Variants in DCC observed in about 807,000 individuals in gnomAD.
DCC encodes DCC netrin 1 receptor.
Under a neutral mutation model 172.5 loss-of-function variants are expected in DCC, and 58 were observed. That is an observed-to-expected ratio of 0.34 (90% CI 0.27 to 0.42). The LOEUF (loss-of-function observed/expected upper bound fraction) is 0.42, where lower values mean the gene tolerates loss of function less well. Among genes scored for constraint, DCC ranks in the 10% least tolerant of loss-of-function variants. The pLI is 1.00. For synonymous variants in DCC, 709 were observed against 644.5 expected (o/e 1.10, Z -1.52); for missense variants, 1,740 against 1,791.0 (o/e 0.97, Z 0.51).
intron 25 of DCC, among the ~76,000 whole-genome samples, chr18:53,472,739 T>G (rs1349512950): frequency 6.6e-6 from 1 of 152,148 alleles, no homozygotes; most frequent in Non-Finnish European, 1.5e-5. Context: ...TCTAGCATCT[T>G]CCAGACTCTT....
At chr18:53,464,784 G>A (rs1203870246) in intron 24 of DCC, among the ~76,000 whole-genome samples, 2 of 151,578 alleles carry the variant, frequency 1.3e-5, no homozygotes, top group Non-Finnish European at 2.9e-5. Context: ...AGCTTGAGAT[G>A]AGCCTGACCA....
At chr18:52,997,613 T>C (rs2041501693) in intron 5 of DCC, among the ~76,000 whole-genome samples, 1 of 152,106 alleles carries the variant, frequency 6.6e-6, no homozygotes. Flanking sequence ...GAATCTAAGA[T>C]GTGCATTGTG....
intron 1 of DCC, among the ~76,000 whole-genome samples, chr18:52,380,123 AG>A (rs1054012448): frequency 2.0e-5 from 3 of 152,054 alleles, no homozygotes; most frequent in Non-Finnish European, 4.4e-5. Context: ...AGTTTCCTCC[AG>A]CCCTTTTATA....
chr18:52,572,272 C>T (rs566762278), intron 1 of DCC, among the ~76,000 whole-genome samples: 5 of 152,214 alleles, frequency 3.3e-5, no homozygotes, highest in African/African-American at 4.8e-5. Flanking sequence ...ACAGATACAG[C>T]GTGGGACACT....
At chr18:52,770,485 A>C (rs1251251560) in intron 2 of DCC, among the ~76,000 whole-genome samples, 1 of 152,228 alleles carries the variant, frequency 6.6e-6, no homozygotes, top group African/African-American at 2.4e-5. Context: ...TTTGTTTAGC[A>C]CATGCCTTCC....
intron 7 of DCC, among the ~76,000 whole-genome samples, chr18:53,121,267 A>T (rs909999914): frequency 3.9e-5 from 6 of 151,964 alleles, no homozygotes; most frequent in African/African-American, 1.4e-4. Context: ...AAGGTAAACT[A>T]GGGACCATTG....
intron 12 of DCC, among the ~76,000 whole-genome samples, chr18:53,235,844 A>G (rs1317596656): frequency 6.6e-6 from 1 of 152,086 alleles, no homozygotes; most frequent in African/African-American, 2.4e-5. Context: ...TGCCTATTCC[A>G]AGCACTTCAA....
chr18:53,077,969 C>T (rs544840048), intron 7 of DCC, among the ~76,000 whole-genome samples: 15 of 152,206 alleles, frequency 9.9e-5, no homozygotes, highest in African/African-American at 3.1e-4. Flanking sequence ...ATGTGTGAAC[C>T]GTCTTGAGGT....
intron 12 of DCC, among the ~76,000 whole-genome samples, chr18:53,219,922 G>A (rs2055905829): frequency 6.6e-6 from 1 of 152,250 alleles, no homozygotes; most frequent in Admixed American, 6.5e-5. Flanking sequence ...CAAGACAGAG[G>A]AAATCTAAGT....
intron 23 of DCC, among the ~76,000 whole-genome samples, chr18:53,456,136 A>G (rs954257055): frequency 1.3e-5 from 2 of 152,212 alleles, no homozygotes; most frequent in Non-Finnish European, 2.9e-5. Flanking sequence ...TAGATTCTCT[A>G]AGATTACAGT....
intron 1 of DCC, among the ~76,000 whole-genome samples, chr18:52,553,446 G>T (rs191233778): frequency 6.6e-6 from 1 of 152,138 alleles, no homozygotes; most frequent in African/African-American, 2.4e-5. Context: ...TTTTGAAGCT[G>T]CCCTGAATGA....
intron 1 of DCC, among the ~76,000 whole-genome samples, chr18:52,432,735 A>G (rs1987667062): frequency 1.3e-5 from 2 of 152,194 alleles, no homozygotes; most frequent in South Asian, 4.1e-4. Flanking sequence ...GCGATTAAAT[A>G]CACTATCACT....
At chr18:52,412,685 A>G (rs1055488874) in intron 1 of DCC, among the ~76,000 whole-genome samples, 23 of 152,126 alleles carry the variant, frequency 1.5e-4, no homozygotes, top group Admixed American at 1.2e-3. Context: ...GCATACTTCA[A>G]TGGTTCTAAC....
chr18:53,249,829 C>A (rs73463021), intron 12 of DCC, among the ~76,000 whole-genome samples: 6,926 of 151,942 alleles, frequency 0.046, 559 homozygotes, highest in African/African-American at 0.16. Flanking sequence ...TTAATGGCAT[C>A]ATGATTAATT....
At position 53,063,426 on chromosome 18, in the gene DCC, T is replaced by G; in HGVS notation, c.1107T>G (p.Asp369Glu). The change falls in exon 6 of 29, where the codon GAT (aspartate) becomes GAG (glutamate). Residue 369 changes from aspartate (D) to glutamate (E), a missense_variant. Transcript: ENST00000442544. ...CTGTGAATTGGATGAAGAATGGAGA[T>G]GTGGTCATTCCTAGTGATTATTTTC... ...VPTVNWMKNG[D>E]VVIPSDYFQI... 3 of 1,611,914 alleles carry G rather than the reference T, an allele frequency of 1.9e-6. No homozygotes were observed. Among genetic ancestry groups the G allele is most frequent in the Non-Finnish European group, 2.5e-6 (3 of 1,178,178 alleles).
At chr18:53,451,676 A>G (rs568341982) in intron 23 of DCC, among the ~76,000 whole-genome samples, 1 of 151,616 alleles carries the variant, frequency 6.6e-6, no homozygotes, top group African/African-American at 2.4e-5. Flanking sequence ...CCAGCAAATA[A>G]TGTTCCCCCT....
chr18:53,411,454 T>A (rs1909984630), intron 20 of DCC, among the ~76,000 whole-genome samples: 1 of 152,174 alleles, frequency 6.6e-6, no homozygotes, highest in Admixed American at 6.6e-5. Context: ...AGCTCTTAAA[T>A]CTGTGACCAC....
chr18:52,906,010 A>G, intron 2 of DCC, 34 bp from the exon 3 acceptor site: 1 of 1,416,576 alleles, frequency 7.1e-7, no homozygotes, highest in Non-Finnish European at 1.0e-6. Context: ...CTTTATTTGG[A>G]AGACTTATTC....
At chr18:52,425,922 T>C (rs997407235) in intron 1 of DCC, among the ~76,000 whole-genome samples, 4 of 152,160 alleles carry the variant, frequency 2.6e-5, no homozygotes, top group South Asian at 2.1e-4. Context: ...AGTCAATAAA[T>C]ATAATATTCT....
Sources: allele counts gnomAD v4.1 joint callset (sites outside exome capture counted in the v4.1 genomes callset), GRCh38; gene constraint gnomAD v4.1.1; transcripts MANE v1.5; gene names NCBI Gene and HGNC (gene_info 2026-07-23, HGNC 2026-07-21).